The following CASZ1 variants were observed in gnomAD, a reference collection of about 807,000 sequenced individuals.
CASZ1 encodes the protein castor zinc finger 1, also known as zinc finger protein castor homolog 1.
Under a neutral mutation model 135.2 loss-of-function variants are expected in CASZ1, and 28 were observed. That is an observed-to-expected ratio of 0.21 (90% confidence interval 0.15 to 0.28). CASZ1 has a LOEUF of 0.28. CASZ1 is among the 10% of genes least tolerant of loss of function. The probability of loss-of-function intolerance (pLI) is 1.00; values close to 1 mark genes in which losing one functional copy is unlikely to be tolerated. For synonymous variants in CASZ1, 1,068 were observed against 1,073.4 expected (o/e 0.99, Z 0.10); for missense variants, 2,161 against 2,453.3 (o/e 0.88, Z 2.52).
chr1:10,743,756 A>G (rs12090402), intron 2 of CASZ1, among the ~76,000 whole-genome samples: 7 of 150,240 alleles, frequency 4.7e-5, no homozygotes, highest in African/African-American at 7.4e-5. Flanking sequence ...GCCTTGGAGA[A>G]CCCCGATCCC....
chr1:10,672,975 G>C (rs1322010989), intron 4 of CASZ1, among the ~76,000 whole-genome samples: 2 of 152,164 alleles, frequency 1.3e-5, no homozygotes, highest in Non-Finnish European at 2.9e-5. Context: ...TGGGCTGGCG[G>C]TTCCATTAAT....
intron 2 of CASZ1, among the ~76,000 whole-genome samples, chr1:10,723,025 G>A (rs1639530426): frequency 2.0e-5 from 3 of 152,270 alleles, no homozygotes; most frequent in Non-Finnish European, 4.4e-5. Context: ...CGGCAGCTGA[G>A]CACCAATGGG....
chr1:10,640,106 C>T (rs768892130), intron 20 of CASZ1, 47 bp from the exon 21 acceptor site: 15 of 1,560,892 alleles, frequency 9.6e-6, no homozygotes, highest in Middle Eastern at 1.7e-4. Context: ...CCCACGTGGG[C>T]ACCATCAACA....
chr1:10,704,834 T>C (rs776828467), intron 3 of CASZ1, among the ~76,000 whole-genome samples: 1 of 152,220 alleles, frequency 6.6e-6, no homozygotes, highest in Admixed American at 6.5e-5. Flanking sequence ...CCCCGCGGTT[T>C]CTCGCGCCAC....
At chr1:10,675,017 C>G (rs964791391) in intron 4 of CASZ1, among the ~76,000 whole-genome samples, 1 of 152,074 alleles carries the variant, frequency 6.6e-6, no homozygotes, top group Non-Finnish European at 1.5e-5. Context: ...GCTCAGATAC[C>G]CCCCGCAACC....
At chr1:10,685,103 A>G (rs1638543821) in intron 4 of CASZ1, among the ~76,000 whole-genome samples, 1 of 152,232 alleles carries the variant, frequency 6.6e-6, no homozygotes, top group South Asian at 2.1e-4. Context: ...ATTGGAAATT[A>G]CTCCTTACCC....
In CASZ1 at chr1:10,690,499, G is replaced by A. The variant is rs1638729458; in HGVS notation, c.16+3375C>T. ...CCAGCTTCTGATCCCACGCTTCCTG[G>A]CCTCCCCACAGTTGAGGCCTGGGCT... On this transcript the variant is annotated intron_variant, in intron 4 of 20. Coordinates refer to ENST00000377022, the MANE Select transcript of CASZ1 (RefSeq NM_001079843.3). 4.6e-5 allele frequency among the ~76,000 whole-genome samples: 7 copies of A among 152,290 alleles called. No homozygotes were observed. In the South Asian group the frequency reaches 1.2e-3, roughly 27 times the overall value.
At position 10,788,299 on chromosome 1, in the gene CASZ1, C is replaced by T. The variant is rs1347993727; in HGVS notation, c.-234+8265G>A. Among the ~76,000 whole-genome samples the T allele has an allele frequency of 6.6e-6, 1 of 152,104 alleles. No individual in the cohort carries two copies. Among genetic ancestry groups the T allele is most frequent in the Non-Finnish European group, 1.5e-5 (1 of 68,002 alleles). ...TCCACCTATGGGGTCCCCTGGGTGA[C>T]AGTTTGACAGCACTCTCCTCTCCCA... On this transcript the variant is annotated intron_variant, in intron 1 of 20. Coordinates refer to ENST00000377022, the MANE Select transcript of CASZ1 (RefSeq NM_001079843.3). The surrounding 1 kb of genome is among the most constrained non-coding windows in gnomAD (Gnocchi z 4.1).
chr1:10,695,668 G>A (rs1448453771), intron 3 of CASZ1, among the ~76,000 whole-genome samples: 1 of 150,656 alleles, frequency 6.6e-6, no homozygotes, highest in Non-Finnish European at 1.5e-5. Context: ...CCAGCCAGGC[G>A]CTTTGTGCTG....
At position 10,640,040 on chromosome 1, in the gene CASZ1, C is replaced by A; in HGVS notation, c.4182G>T (p.Pro1394=). The change falls in exon 21 of 21, where the codon CCG becomes CCT. Residue 1394 remains proline, a synonymous_variant. Coordinates refer to ENST00000377022, the MANE Select transcript of CASZ1 (RefSeq NM_001079843.3). ...AGCGCTTTTTGGCCCCCGAGGCTGT[C>A]GGCATAGAGATGGTGTTCCCTGGGG... ...STAAGNTISM[P]TASGAKKRFW... 1 of 1,608,036 alleles carries A rather than the reference C, an allele frequency of 6.2e-7. No individual in the cohort carries two copies.
chr1:10,740,635 G>A (rs1044875932), intron 2 of CASZ1, among the ~76,000 whole-genome samples: 7 of 152,120 alleles, frequency 4.6e-5, no homozygotes, highest in South Asian at 2.1e-4. Flanking sequence ...TGCAAATTGC[G>A]GGTAGGAAGT....
intron 1 of CASZ1, among the ~76,000 whole-genome samples, chr1:10,782,783 T>A (rs1640786039): frequency 6.6e-6 from 1 of 151,504 alleles, no homozygotes; most frequent in South Asian, 2.1e-4. Context: ...GGCTGGGCCG[T>A]CCCTGGGAGG....
At chr1:10,783,796 C>T (rs1314442484) in intron 1 of CASZ1, among the ~76,000 whole-genome samples, 4 of 135,846 alleles carry the variant, frequency 2.9e-5, no homozygotes, top group African/African-American at 8.0e-5. Context: ...TGCTTGAACC[C>T]GGGAGGCGGA....
In CASZ1 at chr1:10,794,235, A is replaced by G. The variant is rs948869251; in HGVS notation, c.-234+2329T>C. Among the ~76,000 whole-genome samples, 4 of 151,828 alleles carry G rather than the reference A, an allele frequency of 2.6e-5. No individual in the cohort carries two copies. Among genetic ancestry groups the G allele is most frequent in the African/African-American group, 9.7e-5 (4 of 41,310 alleles). The stretch of plus-strand genomic sequence containing the variant: ...CGCGTCGTGGGTTGGGCGGGGGGAC[A>G]CCAAGATTATCCGGCGATCTGTTTT... On this transcript the variant is annotated intron_variant, in intron 1 of 20. Coordinates refer to ENST00000377022, the MANE Select transcript of CASZ1 (RefSeq NM_001079843.3). This position sits in a 1 kb window ranked among gnomAD's most constrained non-coding sequence, Gnocchi z 5.6.
rs192901933 is a variant in CASZ1, at chr1:10,692,559, G to T, written c.16+1315C>A. Among the ~76,000 whole-genome samples the T allele has an allele frequency of 9.3e-4, 141 of 152,328 alleles. 1 individual carries two copies. The highest frequency in any genetic ancestry group is 3.4e-3 in the Middle Eastern group (1 of 294). On this transcript the variant is annotated intron_variant, in intron 4 of 20. Coordinates refer to ENST00000377022, the MANE Select transcript of CASZ1 (RefSeq NM_001079843.3). The stretch of plus-strand genomic sequence containing the variant: ...ACCTTTACCACTTTGCCCAGCAGGG[G>T]GTGTCACACCCTTCCCGGGCGCAGA...
At chr1:10,655,861 G>A (rs762264422) in intron 8 of CASZ1, 48 bp from the exon 9 acceptor site, 40 of 1,589,110 alleles carry the variant, frequency 2.5e-5, no homozygotes, top group Middle Eastern at 3.6e-4. Context: ...CTCCCCCTCC[G>A]CCCTTCCTCC....
rs1262491425 is a variant in CASZ1 at position 10,741,832 on chromosome 1, T to C, written c.-77+18869A>G. Among the ~76,000 whole-genome samples the C allele has an allele frequency of 6.6e-6, 1 of 152,030 alleles. No individual in the cohort carries two copies. Among genetic ancestry groups the C allele is most frequent in the Non-Finnish European group, 1.5e-5 (1 of 68,018 alleles). On this transcript the variant is annotated intron_variant, in intron 2 of 20. Coordinates refer to ENST00000377022, the MANE Select transcript of CASZ1 (RefSeq NM_001079843.3). This position sits in a 1 kb window ranked among gnomAD's most constrained non-coding sequence, Gnocchi z 5.0. The stretch of plus-strand genomic sequence containing the variant: ...TATATATTAACAAACCTGATTCGAA[T>C]CTCATCTGAATTATTTTTTGCTTAC...
intron 2 of CASZ1, among the ~76,000 whole-genome samples, chr1:10,722,757 C>CTGTCTCCT (rs2100489177): frequency 6.6e-6 from 1 of 152,368 alleles, no homozygotes; most frequent in South Asian, 2.1e-4. Context: ...TCAAACATCC[C>CTGTCTCCT]TGTCTCCTGC....
intron 2 of CASZ1, among the ~76,000 whole-genome samples, chr1:10,743,472 G>C (rs12026466): frequency 0.15 from 23,374 of 151,600 alleles, 1,960 homozygotes; most frequent in South Asian, 0.29. Context: ...AGTGTACCCC[G>C]GCATCCTCCA....
Sources: gnomAD v4.1 joint callset for allele counts (sites outside exome capture counted in the v4.1 genomes callset) on GRCh38, gnomAD v4.1.1 for gene constraint, Gnocchi (gnomAD v3.1) non-coding constraint, MANE v1.5 for transcripts, NCBI Gene and HGNC (gene_info 2026-07-23, HGNC 2026-07-21) for gene names.